The following ANKRD62 variants were observed in gnomAD, a reference collection of about 807,000 sequenced individuals.
ANKRD62 encodes ankyrin repeat domain 62, also known as ankyrin repeat domain-containing protein 62.
Under a neutral mutation model 98.8 loss-of-function variants are expected in ANKRD62, and 61 were observed. The observed-to-expected ratio is 0.62, with a 90% CI of 0.50 to 0.76. The LOEUF is 0.76. Ranked by LOEUF, ANKRD62 falls within the 30% of genes least tolerant of loss-of-function variation. ANKRD62 has a pLI of 0.00. For synonymous variants in ANKRD62, 341 were observed against 367.9 expected, an observed-to-expected ratio of 0.93 and a Z score of 0.84; for missense variants, 933 against 1,082.9, an observed-to-expected ratio of 0.86 and a Z score of 1.94.
chr18:12,119,343 CTTCT>C (rs1264995721), intron 10 of ANKRD62, among the ~76,000 whole-genome samples: 2,755 of 64,408 alleles, frequency 0.043, 68 homozygotes, highest in African/African-American at 0.13. Flanking sequence ...TGCTGATCTT[CTTCT>C]TTTTTTTTTT....
At chr18:12,130,236 T>G (rs1266565464), downstream of ANKRD62, among the ~76,000 whole-genome samples, 1 of 152,192 alleles carries the variant, frequency 6.6e-6, no homozygotes, top group African/African-American at 2.4e-5. Flanking sequence ...ATTTTCTACT[T>G]TTCAAATGTC....
the ANKRD62 span, among the ~76,000 whole-genome samples, chr18:12,158,305 T>A: frequency 5.3e-5 from 8 of 152,196 alleles, no homozygotes; most frequent in African/African-American, 1.9e-4. Context: ...ATTTCCAGAG[T>A]CCCCTTCTGT....
the ANKRD62 span, among the ~76,000 whole-genome samples, chr18:12,172,406 C>T: frequency 6.6e-6 from 1 of 152,176 alleles, no homozygotes; most frequent in East Asian, 1.9e-4. Context: ...GCTGGAGGTC[C>T]ACTCCAGACC....
chr18:12,169,338 T>G, the ANKRD62 span, among the ~76,000 whole-genome samples: 1 of 152,244 alleles, frequency 6.6e-6, no homozygotes, highest in Non-Finnish European at 1.5e-5. Context: ...GTTTTTAGCA[T>G]GAAGGGCTGT....
At chr18:12,135,431 C>T in the ANKRD62 span, among the ~76,000 whole-genome samples, 3 of 151,308 alleles carry the variant, frequency 2.0e-5, no homozygotes, top group African/African-American at 4.9e-5. Flanking sequence ...TTTTCTTAAT[C>T]CAGTCTATCA....
intron 4 of ANKRD62, 53 bp downstream of exon 4, chr18:12,096,355 G>T: frequency 1.0e-6 from 1 of 989,716 alleles, no homozygotes; most frequent in Non-Finnish European, 1.4e-6. Flanking sequence ...GTTCTAGAGT[G>T]GTAACAGTCA....
the ANKRD62 span, among the ~76,000 whole-genome samples, chr18:12,167,748 A>G: frequency 5.9e-5 from 9 of 152,192 alleles, no homozygotes; most frequent in Admixed American, 5.9e-4. Flanking sequence ...TTACACTCCC[A>G]AAAGTGTAAA....
chr18:12,103,169 G>C lies in ANKRD62; in HGVS notation c.832G>C (p.Glu278Gln). ...LQNSNSEQDL[E>Q]MTSEGEQERL... is the part of the protein sequence containing the mutation. ...GGATTTGTGAGCAGAACAAGACTTA[G>C]AAATGACATCAGAGGGAGAGCAAGA... The change falls in exon 7 of 14, where the codon GAA becomes CAA. Residue 278 changes from glutamate to glutamine, a missense_variant. Glu to Gln is a conservative substitution (Grantham distance 29). Around this residue, in one of 3 missense-constraint regions of ANKRD62, gnomAD observed 549 missense variants for 587.9 expected, o/e 0.93. Coordinates refer to ENST00000587848, the MANE Select transcript of ANKRD62 (RefSeq NM_001277333.2). 7.2e-7 allele frequency: 1 copy of C among 1,381,728 alleles called. No individual in the cohort carries two copies. The highest frequency in any genetic ancestry group is 9.4e-7 in the Non-Finnish European group (1 of 1,058,552). 85.6% of individuals were successfully genotyped at this position (1,381,728 alleles called of 1,614,324 possible).
chr18:12,101,994 G>A (rs2143899687), intron 6 of ANKRD62: 1 of 1,235,926 alleles, frequency 8.1e-7, no homozygotes, highest in Non-Finnish European at 1.2e-6. Context: ...AGAAAGGTCA[G>A]AGCTTCCACA....
intron 6 of ANKRD62, among the ~76,000 whole-genome samples, chr18:12,100,638 T>C (rs1441937423): frequency 6.6e-6 from 1 of 152,194 alleles, no homozygotes; most frequent in Admixed American, 6.5e-5. Flanking sequence ...TTTTTAAAGA[T>C]ACCTACTGTG....
At chr18:12,156,216 C>G in the ANKRD62 span, among the ~76,000 whole-genome samples, 2 of 152,120 alleles carry the variant, frequency 1.3e-5, no homozygotes, top group Non-Finnish European at 2.9e-5. Flanking sequence ...TGCCACGCCT[C>G]CGGTGCAGTT....
chr18:12,130,413 T>C (rs987836698), downstream of ANKRD62, among the ~76,000 whole-genome samples: 2 of 152,212 alleles, frequency 1.3e-5, no homozygotes, highest in African/African-American at 4.8e-5. Flanking sequence ...TTGAGCAGCT[T>C]CAGAAAATTT....
chr18:12,135,556 C>A, the ANKRD62 span, among the ~76,000 whole-genome samples: 1 of 151,318 alleles, frequency 6.6e-6, no homozygotes, highest in Non-Finnish European at 1.5e-5. Flanking sequence ...GGGTATATAC[C>A]CAGTAATGGG....
intron 8 of ANKRD62, 142 bp from the exon 9 acceptor site, chr18:12,114,946 T>A (rs555107046): frequency 3.2e-6 from 2 of 631,362 alleles, no homozygotes; most frequent in African/African-American, 3.8e-5. Context: ...TTGCATCACC[T>A]GTAAAAACAT....
chr18:12,140,742 T>G, the ANKRD62 span, among the ~76,000 whole-genome samples: 1 of 152,118 alleles, frequency 6.6e-6, no homozygotes, highest in East Asian at 1.9e-4. Flanking sequence ...CCGTGTGAGG[T>G]GTCAGTCCGC....
At chr18:12,094,742 G>T in intron 1 of ANKRD62, among the ~76,000 whole-genome samples, 1 of 81,500 alleles carries the variant, frequency 1.2e-5, no homozygotes, top group Non-Finnish European at 2.5e-5. Context: ...CTGGTGGGAA[G>T]TGGAGTTGGG....
the ANKRD62 span, among the ~76,000 whole-genome samples, chr18:12,153,626 A>G: frequency 6.6e-6 from 1 of 151,888 alleles, no homozygotes; most frequent in African/African-American, 2.4e-5. Flanking sequence ...AAAGAAAAAA[A>G]TGATTTTAAA....
the ANKRD62 span, among the ~76,000 whole-genome samples, chr18:12,146,107 G>C: frequency 1.3e-5 from 2 of 151,786 alleles, no homozygotes; most frequent in African/African-American, 4.8e-5. Context: ...CGGTAGAAGT[G>C]GTAGCACAGC....
At chr18:12,135,591 A>G in the ANKRD62 span, among the ~76,000 whole-genome samples, 1 of 151,234 alleles carries the variant, frequency 6.6e-6, no homozygotes, top group South Asian at 2.1e-4. Flanking sequence ...TGTTATTTCT[A>G]GTTCTAGATC....
Sources: gnomAD v4.1 joint callset for allele counts (sites outside exome capture counted in the v4.1 genomes callset) on GRCh38, gnomAD v4.1.1 for gene constraint, gnomAD v4.1.1 regional missense constraint, MANE v1.5 for transcripts, NCBI Gene and HGNC (gene_info 2026-07-23, HGNC 2026-07-21) for gene names.